Variants in EFR3A observed in about 807,000 individuals in gnomAD.
EFR3A encodes EFR3 homolog A, also known as protein EFR3 homolog A.
EFR3A carries 76 observed loss-of-function variants against 104.4 expected under a neutral mutation model. The ratio of observed to expected loss-of-function variants is 0.73; its 90% CI spans 0.60 to 0.88. The LOEUF is 0.88. Ranked by LOEUF, EFR3A falls within the 40% of genes least tolerant of loss-of-function variation. The probability of loss-of-function intolerance (pLI) is 0.00; values close to 1 mark genes in which losing one functional copy is unlikely to be tolerated. For missense variants in EFR3A, 985 were observed against 1,012.5 expected (o/e 0.97, Z 0.37); for synonymous variants, 330 against 330.0 (o/e 1.00, Z 0.00).
intron 18 of EFR3A, among the ~76,000 whole-genome samples, chr8:131,989,408 C>T (rs1201114241): frequency 6.6e-6 from 1 of 152,164 alleles, no homozygotes; most frequent in Non-Finnish European, 1.5e-5. Flanking sequence ...GCACTGTGTG[C>T]TAGGCACTGT....
chr8:131,965,211 CAA>C (rs1819633494), intron 8 of EFR3A, among the ~76,000 whole-genome samples: 1 of 152,110 alleles, frequency 6.6e-6, no homozygotes, highest in South Asian at 2.1e-4. Flanking sequence ...CCACAATTGA[CAA>C]ATGGGATCTA....
At chr8:131,958,167 G>T (rs1040261024) in intron 7 of EFR3A, among the ~76,000 whole-genome samples, 3 of 152,108 alleles carry the variant, frequency 2.0e-5, no homozygotes, top group Non-Finnish European at 4.4e-5. Flanking sequence ...TTATTTTTCT[G>T]CCTCTTAGGA....
chr8:131,961,780 A>G (rs965821841), intron 8 of EFR3A, among the ~76,000 whole-genome samples: 4 of 152,222 alleles, frequency 2.6e-5, no homozygotes, highest in Non-Finnish European at 5.9e-5. Context: ...AGTTGAAATG[A>G]AGGAAAAAAT....
chr8:132,003,778 T>A (rs1289164067), intron 22 of EFR3A, among the ~76,000 whole-genome samples: 2 of 152,190 alleles, frequency 1.3e-5, no homozygotes, highest in Non-Finnish European at 2.9e-5. Context: ...TGTGAATTAT[T>A]ATGCTCTTTG....
chr8:131,934,443 T>C (rs1817773281), intron 1 of EFR3A, among the ~76,000 whole-genome samples: 1 of 152,184 alleles, frequency 6.6e-6, no homozygotes, highest in Non-Finnish European at 1.5e-5. Context: ...TCTGTGGTGC[T>C]TACAGCTGTG....
rs112472883 is a variant in EFR3A at position 131,953,798 on chromosome 8, C to CT, written c.489-5dup. 0.1 allele frequency: 127,797 copies of CT among 1,252,988 alleles called. No homozygotes were observed. Among genetic ancestry groups the CT allele is most frequent in the South Asian group, 0.11 (6,985 of 63,344 alleles). 77.6% of individuals were successfully genotyped at this position (1,252,988 alleles called of 1,614,324 possible). A position where few individuals can be genotyped will look rare whatever the true frequency, so the allele number is the denominator to read the frequency against. ...AATTTTTTTATGGCTCATTTTCTTC[C>CT]TTTTTTTTTTTTTTTATAGGATACG... is the stretch of plus-strand genomic sequence containing the variant. On this transcript the variant is annotated intron_variant, in intron 5 of 22. Transcript: ENST00000254624.
At chr8:131,957,653 G>A (rs1203757891) in intron 7 of EFR3A, among the ~76,000 whole-genome samples, 1 of 152,120 alleles carries the variant, frequency 6.6e-6, no homozygotes, top group Non-Finnish European at 1.5e-5. Flanking sequence ...CCCTGCCAGG[G>A]CCAGTATCTT....
chr8:131,909,163 G>A (rs769732807), intron 1 of EFR3A, among the ~76,000 whole-genome samples: 1 of 152,170 alleles, frequency 6.6e-6, no homozygotes, highest in Non-Finnish European at 1.5e-5. Context: ...TGGCCTATAT[G>A]CAGAATAGAT....
chr8:131,954,506 C>T lies in EFR3A; in HGVS notation c.638+539C>T, dbSNP rs148244873. Among the ~76,000 whole-genome samples, 420 of 151,434 alleles carry T rather than the reference C, an allele frequency of 2.8e-3. 1 individual carries two copies. Among genetic ancestry groups the T allele is most frequent in the African/African-American group, 9.7e-3 (402 of 41,358 alleles). ...GATATAGGCTTATTTTTTCTTTTTC[C>T]TCTACAACATTCACTTGCAGTTAGA... On this transcript the variant is annotated intron_variant, in intron 6 of 22. Coordinates refer to ENST00000254624, the MANE Select transcript of EFR3A (RefSeq NM_015137.6).
At chr8:131,988,583 A>C (rs1329308973) in intron 18 of EFR3A, among the ~76,000 whole-genome samples, 1 of 151,948 alleles carries the variant, frequency 6.6e-6, no homozygotes, top group Non-Finnish European at 1.5e-5. Flanking sequence ...TTCCTCAGGA[A>C]CTCCTTGAGG....
chr8:131,940,480 AT>A lies in EFR3A; in HGVS notation c.11-6del, dbSNP rs397796331. 0.032 allele frequency: 40,905 copies of A among 1,285,410 alleles called. 4 individuals carry two copies. The highest frequency in any genetic ancestry group is 0.077 in the South Asian group (5,205 of 67,288). 79.6% of individuals were successfully genotyped at this position (1,285,410 alleles called of 1,614,324 possible). On this transcript the variant is annotated intron_variant, in intron 1 of 22. Coordinates refer to ENST00000254624, the MANE Select transcript of EFR3A (RefSeq NM_015137.6). ...ATATTAATAATATCTGTATTTCTTG[AT>A]TTTTTTTTTTTTAACAGGAGTATGC...
At position 131,955,866 on chromosome 8, in the gene EFR3A, CT is replaced by C; in HGVS notation, c.741del (p.Phe247LeufsTer4). ...NCFRELLGRA[T>X]FGNMNNAVRP... ...TTCAGAGAACTGCTGGGTCGAGCAA[CT>C]TTTGGGAATATGAATAATGCTGTTA... is the stretch of plus-strand genomic sequence containing the variant. On this transcript the variant is annotated frameshift_variant, in exon 7 of 23. Transcript: ENST00000254624. LOFTEE classifies it high-confidence loss of function. 6.2e-7 allele frequency: 1 copy of C among 1,613,356 alleles called. No individual in the cohort carries two copies. Among genetic ancestry groups the C allele is most frequent in the Non-Finnish European group, 8.5e-7 (1 of 1,179,492 alleles).
Position 131,970,528 on chromosome 8 carries a change from C to T in EFR3A, c.1044C>T (p.Ser348=). The T allele has an allele frequency of 1.9e-6, 3 of 1,613,858 alleles. No homozygotes were observed. The highest frequency in any genetic ancestry group is 2.5e-6 in the Non-Finnish European group (3 of 1,179,810). The change falls in exon 10 of 23, where the codon AGC becomes AGT. Residue 348 remains serine (S), a synonymous_variant. Transcript: ENST00000254624. ...FNTLLKHLRL[S]VEFEANDLQG... ...CCCTTTTGAAACATCTGCGTCTCAG[C>T]GTTGAATTCGAAGCAAATGATTTAC...
intron 1 of EFR3A, among the ~76,000 whole-genome samples, chr8:131,938,906 A>T (rs1451429929): frequency 6.6e-6 from 1 of 152,290 alleles, no homozygotes; most frequent in Non-Finnish European, 1.5e-5. Flanking sequence ...ATGTTGTAAC[A>T]TCCTTAGTAC....
intron 1 of EFR3A, chr8:131,935,480 G>A (rs976255381): frequency 8.9e-6 from 4 of 447,294 alleles, no homozygotes; most frequent in African/African-American, 8.1e-5. Context: ...CCAAAATCCA[G>A]TAATCGTAGG....
chr8:131,923,947 G>A (rs986316430), intron 1 of EFR3A, among the ~76,000 whole-genome samples: 1 of 151,990 alleles, frequency 6.6e-6, no homozygotes, highest in African/African-American at 2.4e-5. Context: ...TTAAAAGCCC[G>A]CAGCACTGTG....
chr8:131,953,586 G>A (rs1159860416), intron 5 of EFR3A, among the ~76,000 whole-genome samples: 2 of 151,936 alleles, frequency 1.3e-5, no homozygotes, highest in South Asian at 2.1e-4. Context: ...TCCTTTTAAC[G>A]TTTTAAATGC....
chr8:131,977,153 G>T, intron 12 of EFR3A, 61 bp downstream of exon 12: 1 of 1,180,834 alleles, frequency 8.5e-7, no homozygotes. Flanking sequence ...AACATTAATT[G>T]AATAGCTTCA....
At chr8:131,975,983 G>A (rs1586636845) in intron 10 of EFR3A, 44 bp from the exon 11 acceptor site, 1 of 1,222,500 alleles carries the variant, frequency 8.2e-7, no homozygotes. Context: ...ATATGGAAAA[G>A]TAGACTTTTT....
Sources: gnomAD v4.1 joint callset for allele counts (sites outside exome capture counted in the v4.1 genomes callset) on GRCh38, gnomAD v4.1.1 for gene constraint, MANE v1.5 for transcripts, NCBI Gene and HGNC (gene_info 2026-07-23, HGNC 2026-07-21) for gene names.